The following ERICH3 variants were observed in gnomAD, a reference collection of about 807,000 sequenced individuals.
ERICH3 encodes the protein glutamate-rich protein 3.
In ERICH3, 126 loss-of-function variants were observed where a neutral mutation model predicts 131.1. The ratio of observed to expected loss-of-function variants is 0.96; its 90% CI spans 0.83 to 1.11. The LOEUF is 1.11. Ranked by LOEUF, ERICH3 falls within the 50% of genes most tolerant of loss-of-function variation. The pLI is 0.00. For synonymous variants in ERICH3, 695 were observed against 644.6 expected (o/e 1.08, Z -1.18); for missense variants, 2,050 against 1,810.7 (o/e 1.13, Z -2.40).
At chr1:74,661,337 G>A (rs1646639476) in intron 1 of ERICH3, among the ~76,000 whole-genome samples, 1 of 152,146 alleles carries the variant, frequency 6.6e-6, no homozygotes. Context: ...GATAAAAAGA[G>A]CAAGTGTGCT....
At chr1:74,601,749 T>C (rs1648144100) in intron 10 of ERICH3, among the ~76,000 whole-genome samples, 1 of 151,876 alleles carries the variant, frequency 6.6e-6, no homozygotes, top group South Asian at 2.1e-4. Flanking sequence ...TCCATAGTGT[T>C]ACATAGTAGT....
In ERICH3 at chr1:74,606,655, C is replaced by G. The variant is rs1256793235; in HGVS notation, c.1435G>C (p.Gly479Arg). The change falls in exon 10 of 15, where the codon GGA (glycine) becomes CGA (arginine). Residue 479 changes from glycine to arginine, a missense_variant. Transcript: ENST00000326665. ...VTAVEEMTSK[G>R]KPGQEVLEDD... ...TCCAAGACTTCTTGTCCTGGTTTTC[C>G]TTTACTTGTCATTTCCTCCACAGCA... 6.2e-7 allele frequency: 1 copy of G among 1,612,348 alleles called. No homozygotes were observed. Among genetic ancestry groups the G allele is most frequent in the Non-Finnish European group, 8.5e-7 (1 of 1,179,136 alleles).
chr1:74,616,111 C>T (rs921160137), intron 8 of ERICH3, among the ~76,000 whole-genome samples: 7 of 152,106 alleles, frequency 4.6e-5, no homozygotes, highest in Non-Finnish European at 7.4e-5. Context: ...AAGCTATTCT[C>T]GTGCCTCAGC....
intron 12 of ERICH3, among the ~76,000 whole-genome samples, chr1:74,588,692 G>T (rs924937163): frequency 6.6e-6 from 1 of 152,104 alleles, no homozygotes; most frequent in African/African-American, 2.4e-5. Flanking sequence ...CAGGGCACAG[G>T]AGGCTAGGTG....
chr1:74,580,562 C>G (rs1156436571), intron 12 of ERICH3, among the ~76,000 whole-genome samples: 1 of 152,080 alleles, frequency 6.6e-6, no homozygotes, highest in Non-Finnish European at 1.5e-5. Flanking sequence ...TCCTATGTGC[C>G]TGCACTATTT....
Position 74,646,703 on chromosome 1 carries a change from TA to T in ERICH3, c.206del (p.Leu69Ter). On this transcript the variant is annotated frameshift_variant, in exon 3 of 15. Coordinates refer to ENST00000326665, the MANE Select transcript of ERICH3 (RefSeq NM_001002912.5). LOFTEE classifies it high-confidence loss of function. Reference protein sequence around the residue: ...RDHQKYIRECLAQAIFHKVLD... With the variant: ...RDHQKYIRECXAQAIFHKVLD... ...GAACTTTATGAAAAATTGCCTGGGC[TA>T]AGCATTCCCGGATATATTTTTGATG... 1 of 1,474,224 alleles carries T rather than the reference TA, an allele frequency of 6.8e-7. No homozygotes were observed. Among genetic ancestry groups the T allele is most frequent in the Non-Finnish European group, 9.2e-7 (1 of 1,088,188 alleles). The allele number at this position is 1,474,224 out of a possible 1,614,324, so 91.3% of individuals were successfully genotyped here.
chr1:74,643,850 AC>A (rs1225525568), intron 3 of ERICH3, among the ~76,000 whole-genome samples: 1 of 152,026 alleles, frequency 6.6e-6, no homozygotes, highest in Non-Finnish European at 1.5e-5. Context: ...TTTTCACAAA[AC>A]CTTGTTGTCC....
Position 74,572,633 on chromosome 1 carries a change from T to C in ERICH3, c.3077A>G (p.Lys1026Arg). ...CATCTCTTCCCCTTCCACATCTTCC[T>C]TGCAAAGGAAGGCTTCCTTTGCAAG... ...GSLAKEAFLCKEDVEGEEMVT... is the reference protein window; with the variant it reads ...GSLAKEAFLCREDVEGEEMVT... Residue 1026 changes from lysine (K) to arginine (R), a missense_variant, in exon 14 of 15, where the codon AAG becomes AGG. Lys to Arg is a conservative substitution (Grantham distance 26). Transcript: ENST00000326665. 6.2e-7 allele frequency: 1 copy of C among 1,613,982 alleles called. No homozygotes were observed. The highest frequency in any genetic ancestry group is 8.5e-7 in the Non-Finnish European group (1 of 1,179,964).
At chr1:74,639,489 A>G (rs1006036623) in intron 5 of ERICH3, among the ~76,000 whole-genome samples, 9 of 152,282 alleles carry the variant, frequency 5.9e-5, no homozygotes, top group Non-Finnish European at 1.2e-4. Context: ...TAAATTCACT[A>G]TATTTTAAAT....
intron 10 of ERICH3, among the ~76,000 whole-genome samples, chr1:74,602,547 G>T (rs1648189560): frequency 6.6e-6 from 1 of 151,860 alleles, no homozygotes; most frequent in Non-Finnish European, 1.5e-5. Context: ...TGCTGACCTT[G>T]ATTCAAACTT....
intron 9 of ERICH3, among the ~76,000 whole-genome samples, chr1:74,607,529 A>T (rs945014811): frequency 2.0e-5 from 3 of 152,074 alleles, no homozygotes; most frequent in Non-Finnish European, 2.9e-5. Context: ...ATAACTCAGG[A>T]GTTTGTTCAC....
chr1:74,576,428 T>A (rs1335995095), intron 13 of ERICH3, among the ~76,000 whole-genome samples: 1 of 152,174 alleles, frequency 6.6e-6, no homozygotes, highest in African/African-American at 2.4e-5. Flanking sequence ...CTCCTGTAAG[T>A]CAGCCCGCTG....
chr1:74,592,003 T>C (rs1403471245), intron 11 of ERICH3: 1 of 152,180 alleles, frequency 6.6e-6, no homozygotes, highest in Non-Finnish European at 1.5e-5. Context: ...GCGCTTATCC[T>C]CTTCTCTCCA....
chr1:74,653,174 T>G (rs898181079), intron 1 of ERICH3, among the ~76,000 whole-genome samples: 1 of 152,148 alleles, frequency 6.6e-6, no homozygotes. Context: ...CAAAGAGAGA[T>G]AGTCTACCAT....
intron 7 of ERICH3, chr1:74,623,584 GA>G (rs1649309594): frequency 6.6e-6 from 1 of 152,234 alleles, no homozygotes; most frequent in African/African-American, 2.4e-5. Context: ...AAATGGGGGG[GA>G]AAGGGGCAGA....
At chr1:74,595,619 T>A (rs1158632638) in intron 11 of ERICH3, among the ~76,000 whole-genome samples, 1 of 152,116 alleles carries the variant, frequency 6.6e-6, no homozygotes, top group Non-Finnish European at 1.5e-5. Context: ...TTTTCATTCA[T>A]CTGTTGATCT....
chr1:74,593,798 C>A (rs1454702337), intron 11 of ERICH3, among the ~76,000 whole-genome samples: 1 of 152,062 alleles, frequency 6.6e-6, no homozygotes, highest in Non-Finnish European at 1.5e-5. Flanking sequence ...CAACAGTACC[C>A]AATGTCCATT....
chr1:74,603,839 T>C (rs544396145), intron 10 of ERICH3, among the ~76,000 whole-genome samples: 27 of 152,068 alleles, frequency 1.8e-4, no homozygotes, highest in African/African-American at 6.0e-4. Context: ...GTCTTTTTGC[T>C]GGTGGAGGAT....
chr1:74,597,731 G>C lies in ERICH3; in HGVS notation c.1726+1964C>G, dbSNP rs546374400. 1.1e-4 allele frequency among the ~76,000 whole-genome samples: 17 copies of C among 151,938 alleles called. 1 individual carries two copies. In the South Asian group the frequency reaches 3.5e-3, roughly 32 times the overall value. ...GAAATCAGCTATGTCAATATGCAGA[G>C]GATTCCTTACACCATATAAAAAAAT... On this transcript the variant is annotated intron_variant, in intron 11 of 14. Transcript: ENST00000326665.
Sources: gnomAD v4.1 joint callset for allele counts (sites outside exome capture counted in the v4.1 genomes callset) on GRCh38, gnomAD v4.1.1 for gene constraint, MANE v1.5 for transcripts, NCBI Gene and HGNC (gene_info 2026-07-23, HGNC 2026-07-21) for gene names.